The following SLC33A1 variants were observed in gnomAD, a reference collection of about 807,000 sequenced individuals.
SLC33A1 encodes the protein solute carrier family 33 member 1.
A neutral mutation model predicts 50.0 loss-of-function variants in SLC33A1; 20 were observed. That is an observed-to-expected ratio of 0.40 (90% CI 0.28 to 0.58). SLC33A1 has a LOEUF of 0.58. SLC33A1 is among the 20% of genes least tolerant of loss of function. The pLI is 0.44. For missense variants in SLC33A1, 476 were observed against 657.0 expected (o/e 0.72, Z 3.01); for synonymous variants, 265 against 251.8 (o/e 1.05, Z -0.50).
chr3:155,833,320 T>C (rs1752521366), intron 4 of SLC33A1, 148 bp downstream of exon 4: 4 of 699,202 alleles, frequency 5.7e-6, no homozygotes, highest in South Asian at 3.2e-5. Context: ...TGAAAAGTCA[T>C]AAAGTTTAAA....
At chr3:155,837,384 T>C (rs1003474962) in intron 2 of SLC33A1, among the ~76,000 whole-genome samples, 77 of 148,322 alleles carry the variant, frequency 5.2e-4, no homozygotes, top group African/African-American at 1.8e-3. Flanking sequence ...AAAGATAATA[T>C]ATGTGTTTTC....
intron 1 of SLC33A1, among the ~76,000 whole-genome samples, chr3:155,848,282 C>T (rs1202219548): frequency 2.6e-5 from 4 of 152,158 alleles, no homozygotes; most frequent in Non-Finnish European, 4.4e-5. Context: ...ACTACAGATG[C>T]GTGCCACTGT....
In SLC33A1 at chr3:155,848,577, G is replaced by A. The variant is rs911387563; in HGVS notation, c.775+4646C>T. The stretch of plus-strand genomic sequence containing the variant: ...GGCGCCTGTAGTCCCAGCTACTCGG[G>A]AGGCTGAGGCAGGAGAATGGTGTGA... On this transcript the variant is annotated intron_variant, in intron 1 of 5. Transcript: ENST00000643144. Among the ~76,000 whole-genome samples, 5 of 152,156 alleles carry A rather than the reference G, an allele frequency of 3.3e-5. No individual in the cohort carries two copies. In the East Asian group the frequency reaches 7.7e-4, roughly 23 times the overall value.
chr3:155,843,570 C>G (rs1039022813), intron 1 of SLC33A1, among the ~76,000 whole-genome samples: 6 of 152,122 alleles, frequency 3.9e-5, no homozygotes, highest in Admixed American at 2.0e-4. Context: ...GAAGATTCTG[C>G]TAAACAGCTA....
chr3:155,832,439 CTTT>C (rs913857303), intron 4 of SLC33A1, among the ~76,000 whole-genome samples: 2 of 152,046 alleles, frequency 1.3e-5, no homozygotes, highest in Non-Finnish European at 2.9e-5. Flanking sequence ...GGGATTCCTT[CTTT>C]TAAGGATTAC....
chr3:155,836,364 T>C (rs73007382), intron 2 of SLC33A1, among the ~76,000 whole-genome samples: 27,772 of 138,734 alleles, frequency 0.2, 6,960 homozygotes, highest in African/African-American at 0.59. Flanking sequence ...GTATACACGG[T>C]AACTTCTTGG....
intron 2 of SLC33A1, among the ~76,000 whole-genome samples, chr3:155,842,004 T>G (rs985936008): frequency 1.3e-5 from 2 of 152,106 alleles, no homozygotes; most frequent in Admixed American, 1.3e-4. Flanking sequence ...TGCCTCGGCC[T>G]CCCAAAGTGC....
At chr3:155,834,528 CG>C (rs1280927964) in intron 2 of SLC33A1, among the ~76,000 whole-genome samples, 2 of 151,930 alleles carry the variant, frequency 1.3e-5, no homozygotes, top group Non-Finnish European at 2.9e-5. Context: ...TCTGGGAAAA[CG>C]TATCTGAGAG....
intron 1 of SLC33A1, chr3:155,844,907 T>C (rs1270803988): frequency 6.6e-6 from 1 of 152,180 alleles, no homozygotes; most frequent in Non-Finnish European, 1.5e-5. Flanking sequence ...AATCAAATAA[T>C]TTTACATATT....
At chr3:155,835,539 C>G (rs1752620387) in intron 2 of SLC33A1, among the ~76,000 whole-genome samples, 1 of 152,142 alleles carries the variant, frequency 6.6e-6, no homozygotes, top group Admixed American at 6.6e-5. Context: ...AAAAGGGCTA[C>G]CTGGGAGCCA....
At chr3:155,851,010 G>A (rs992882433) in intron 1 of SLC33A1, among the ~76,000 whole-genome samples, 11 of 151,756 alleles carry the variant, frequency 7.2e-5, no homozygotes, top group South Asian at 4.2e-4. Flanking sequence ...TTGGGAGGCC[G>A]AGGTGGGCGG....
intron 1 of SLC33A1, among the ~76,000 whole-genome samples, chr3:155,843,660 CA>C: frequency 6.6e-6 from 1 of 152,196 alleles, no homozygotes; most frequent in East Asian, 1.9e-4. Context: ...TTACATGTAT[CA>C]ACTCCTTTAC....
rs183684865 is a variant in SLC33A1, at chr3:155,839,030, T to G, written c.963+3402A>C. Among the ~76,000 whole-genome samples the G allele has an allele frequency of 5.3e-5, 8 of 152,030 alleles. No homozygotes were observed. The South Asian group carries it at 1.5e-3, about 28-fold the overall frequency. The stretch of plus-strand genomic sequence containing the variant: ...TAGGCCAGGTGCAGTGGCTCACACC[T>G]GTAATCCCAGCACTTTGGGAGGCCG... On this transcript the variant is annotated intron_variant, in intron 2 of 5. Coordinates refer to ENST00000643144, the MANE Select transcript of SLC33A1 (RefSeq NM_004733.4).
At chr3:155,832,645 T>C (rs1752488558) in intron 4 of SLC33A1, among the ~76,000 whole-genome samples, 1 of 144,076 alleles carries the variant, frequency 6.9e-6, no homozygotes, top group Admixed American at 7.4e-5. Flanking sequence ...CTGGCCAATA[T>C]GGTGAAACTC....
At chr3:155,847,226 TAC>T (rs1019458047) in intron 1 of SLC33A1, among the ~76,000 whole-genome samples, 6 of 151,874 alleles carry the variant, frequency 4.0e-5, no homozygotes, top group Admixed American at 2.0e-4. Context: ...AAAAAAGGAA[TAC>T]AGTTTGTTTT....
intron 1 of SLC33A1, among the ~76,000 whole-genome samples, chr3:155,849,793 A>G (rs1276639084): frequency 6.6e-6 from 1 of 151,198 alleles, no homozygotes; most frequent in Non-Finnish European, 1.5e-5. Flanking sequence ...TTATAATCCC[A>G]GCTACTAGGG....
At chr3:155,837,402 T>C (rs1472755194) in intron 2 of SLC33A1, among the ~76,000 whole-genome samples, 1 of 150,772 alleles carries the variant, frequency 6.6e-6, no homozygotes, top group Non-Finnish European at 1.5e-5. Context: ...TTCAAGGATG[T>C]GAAACTCCTT....
rs1363804437 is a variant in SLC33A1 at position 155,825,222 on chromosome 3, T to G, written c.*2988A>C. The G allele has an allele frequency of 2.6e-5, 4 of 152,078 alleles. No homozygotes were observed. Among genetic ancestry groups the G allele is most frequent in the Non-Finnish European group, 5.9e-5 (4 of 68,044 alleles). 9.4% of individuals were successfully genotyped at this position (152,078 alleles called of 1,614,324 possible). On this transcript the variant is annotated 3_prime_UTR_variant, in exon 6 of 6. Coordinates refer to ENST00000643144, the MANE Select transcript of SLC33A1 (RefSeq NM_004733.4). ...AGGAATGTAGTACCACAATCACTGC[T>G]TACTGAAGCCTTGACCTCCTGGGTT...
At chr3:155,833,656 C>A in intron 3 of SLC33A1, 71 bp from the exon 4 acceptor site, 2 of 1,023,964 alleles carry the variant, frequency 2.0e-6, no homozygotes, top group South Asian at 1.3e-5. Context: ...AACAGAAATC[C>A]GTGTGCCTAC....
Sources: gnomAD v4.1 joint callset for allele counts (sites outside exome capture counted in the v4.1 genomes callset) on GRCh38, gnomAD v4.1.1 for gene constraint, MANE v1.5 for transcripts, NCBI Gene and HGNC (gene_info 2026-07-23, HGNC 2026-07-21) for gene names.